Variants in DMD observed in about 807,000 individuals in gnomAD.
DMD encodes the protein mutant dystrophin.
In DMD, 63 loss-of-function variants were observed where a neutral mutation model predicts 330.1. That is an observed-to-expected ratio of 0.19 (90% CI 0.16 to 0.24). The LOEUF is 0.24. Among genes scored for constraint, DMD ranks in the 10% least tolerant of loss-of-function variants. The pLI, the probability that DMD is intolerant of heterozygous loss-of-function variation, is 1.00. For synonymous variants in DMD, 1,223 were observed against 959.8 expected (o/e 1.27, Z -5.07); for missense variants, 3,344 against 2,684.1 (o/e 1.25, Z -5.43).
chrX:31,129,166 T>A (rs1358861679), intron 77 of DMD, among the ~76,000 whole-genome samples: 3 of 111,395 alleles, frequency 2.7e-5, no homozygotes, highest in African/African-American at 9.8e-5. Context: ...ATTGACATTA[T>A]TGATTGTAAT....
intron 2 of DMD, among the ~76,000 whole-genome samples, chrX:32,958,321 C>T (rs527911625): frequency 9.0e-6 from 1 of 111,682 alleles, no homozygotes; most frequent in East Asian, 2.8e-4. Context: ...CTTCAATAAA[C>T]AGTGCTTATC....
At chrX:32,123,797 T>C (rs1337081970) in intron 44 of DMD, among the ~76,000 whole-genome samples, 1 of 112,271 alleles carries the variant, frequency 8.9e-6, no homozygotes, top group Non-Finnish European at 1.9e-5. Context: ...TTTGTTGCGT[T>C]AAAAGTATTA....
At chrX:32,793,778 C>T (rs2075992197) in intron 7 of DMD, among the ~76,000 whole-genome samples, 1 of 111,332 alleles carries the variant, frequency 9.0e-6, no homozygotes. Context: ...AATTTCCCAA[C>T]GAAGACAGTC....
chrX:31,922,004 A>C (rs1287872998), intron 47 of DMD, among the ~76,000 whole-genome samples: 4 of 111,737 alleles, frequency 3.6e-5, no homozygotes, highest in Non-Finnish European at 7.5e-5. Context: ...CCCTTGTTAC[A>C]GTTTTTTGTT....
rs143186755 is a variant in DMD at position 32,581,990 on chromosome X, T to A, written c.1603-8144A>T. On this transcript the variant is annotated intron_variant, in intron 13 of 78. Transcript: ENST00000357033. ...ATTCTGGAAAAATATATGATAAAAT[T>A]TGGCATCCGGTAGTGATAAAACCTC... Among the ~76,000 whole-genome samples the A allele has an allele frequency of 5.4e-3, 602 of 111,756 alleles. 7 individuals are homozygous for A. The highest frequency in any genetic ancestry group is 0.019 in the African/African-American group (571 of 30,836).
intron 63 of DMD, among the ~76,000 whole-genome samples, chrX:31,254,038 G>A (rs978676304): frequency 4.5e-5 from 5 of 112,061 alleles, no homozygotes; most frequent in Non-Finnish European, 9.4e-5. Context: ...AGGAAAACCA[G>A]TACCCCTTGA....
chrX:32,544,781 G>C (rs1003065884), intron 17 of DMD, among the ~76,000 whole-genome samples: 1 of 106,916 alleles, frequency 9.4e-6, no homozygotes, highest in Non-Finnish European at 1.9e-5. Flanking sequence ...TGCACTTTCC[G>C]TTACTGGAAA....
chrX:32,806,991 G>C (rs1361340465), intron 7 of DMD, among the ~76,000 whole-genome samples: 1 of 108,732 alleles, frequency 9.2e-6, no homozygotes, highest in Non-Finnish European at 1.9e-5. Context: ...GGAGAAAGCG[G>C]GAAAGATCTA....
chrX:33,008,962 A>G (rs1250917020), intron 2 of DMD, among the ~76,000 whole-genome samples: 1 of 94,547 alleles, frequency 1.1e-5, no homozygotes, highest in Non-Finnish European at 2.1e-5. Context: ...GTATATATAC[A>G]TATGTGTATA....
At chrX:33,168,783 G>C (rs1020329850) in intron 1 of DMD, among the ~76,000 whole-genome samples, 1 of 110,137 alleles carries the variant, frequency 9.1e-6, no homozygotes, top group Non-Finnish European at 1.9e-5. Context: ...AACTTTTGAT[G>C]ATCATGGTGA....
At chrX:31,581,659 T>C (rs1287918247) in intron 55 of DMD, among the ~76,000 whole-genome samples, 1 of 112,306 alleles carries the variant, frequency 8.9e-6, no homozygotes, top group Non-Finnish European at 1.9e-5. Flanking sequence ...GTGCATATTG[T>C]TTTATCAAGG....
intron 61 of DMD, among the ~76,000 whole-genome samples, chrX:31,324,033 T>C (rs1184662592): frequency 1.8e-5 from 2 of 111,686 alleles, no homozygotes; most frequent in Admixed American, 9.5e-5. Context: ...TTTGACTGAC[T>C]GGATTTTATT....
At chrX:32,344,084 T>C (rs2097756378) in intron 39 of DMD, among the ~76,000 whole-genome samples, 1 of 112,105 alleles carries the variant, frequency 8.9e-6, no homozygotes, top group South Asian at 3.7e-4. Context: ...AGGAAATCAG[T>C]CATCATGCTC....
chrX:32,644,644 T>C (rs2059672412), intron 10 of DMD, among the ~76,000 whole-genome samples: 1 of 109,929 alleles, frequency 9.1e-6, no homozygotes, highest in African/African-American at 3.3e-5. Context: ...GAGTGTATCA[T>C]CTCAGGAAAA....
intron 60 of DMD, among the ~76,000 whole-genome samples, chrX:31,384,332 C>T (rs1342089765): frequency 9.1e-6 from 1 of 109,721 alleles, no homozygotes; most frequent in Non-Finnish European, 1.9e-5. Context: ...ACTACTACTA[C>T]TACTACTACT....
chrX:32,420,367 A>G (rs536367814), intron 29 of DMD, among the ~76,000 whole-genome samples: 23 of 112,270 alleles, frequency 2.0e-4, no homozygotes, highest in African/African-American at 6.5e-4. Flanking sequence ...ACAAAAGTCC[A>G]AATCTGGGGA....
intron 1 of DMD, among the ~76,000 whole-genome samples, chrX:33,328,028 G>A: frequency 9.0e-6 from 1 of 111,675 alleles, no homozygotes; most frequent in Middle Eastern, 4.6e-3. Flanking sequence ...AATTTATGTT[G>A]TTCTTCATCC....
chrX:32,616,005 G>A (rs1405826829), intron 11 of DMD, among the ~76,000 whole-genome samples: 1 of 110,519 alleles, frequency 9.0e-6, no homozygotes, highest in Non-Finnish European at 1.9e-5. Flanking sequence ...GAATTTTTCT[G>A]GCAGTTTTTA....
At chrX:31,873,988 C>T (rs1328110886) in intron 48 of DMD, among the ~76,000 whole-genome samples, 1 of 111,237 alleles carries the variant, frequency 9.0e-6, no homozygotes, top group East Asian at 2.8e-4. Context: ...AAGAGAATGC[C>T]CTCTGCACTC....
Sources: allele counts gnomAD v4.1 joint callset (sites outside exome capture counted in the v4.1 genomes callset), GRCh38; gene constraint gnomAD v4.1.1; transcripts MANE v1.5; gene names NCBI Gene and HGNC (gene_info 2026-07-23, HGNC 2026-07-21).